The following CADPS variants were observed in gnomAD, a reference collection of about 807,000 sequenced individuals.
The protein encoded by CADPS is calcium dependent secretion activator.
Under a neutral mutation model 167.3 loss-of-function variants are expected in CADPS, and 57 were observed. The ratio of observed to expected loss-of-function variants is 0.34; its 90% CI spans 0.28 to 0.42. The LOEUF is 0.42. Ranked by LOEUF, CADPS falls within the 20% of genes least tolerant of loss-of-function variation. The pLI is 1.00. For synonymous variants in CADPS, 676 were observed against 635.3 expected, an observed-to-expected ratio of 1.06 and a Z score of -0.96; for missense variants, 1,414 against 1,738.1, an observed-to-expected ratio of 0.81 and a Z score of 3.32.
chr3:62,557,645 C>T (rs1310644921), intron 9 of CADPS, 132 bp from the exon 10 acceptor site: 2 of 702,222 alleles, frequency 2.8e-6, no homozygotes, highest in Non-Finnish European at 5.2e-6. Flanking sequence ...TACCTCCTGG[C>T]TGTGTGACGT....
At chr3:62,869,032 A>G (rs555371970) in intron 1 of CADPS, among the ~76,000 whole-genome samples, 1 of 152,202 alleles carries the variant, frequency 6.6e-6, no homozygotes, top group Non-Finnish European at 1.5e-5. Context: ...TGAGAGCAGA[A>G]GTGTTTTGAA....
chr3:62,671,304 A>G (rs2075468691), intron 3 of CADPS, among the ~76,000 whole-genome samples: 1 of 151,962 alleles, frequency 6.6e-6, no homozygotes. Flanking sequence ...GATTATCTTA[A>G]TAATCTTTAT....
chr3:62,559,042 T>C (rs1231235505), intron 9 of CADPS, among the ~76,000 whole-genome samples: 1 of 152,198 alleles, frequency 6.6e-6, no homozygotes, highest in Admixed American at 6.5e-5. Flanking sequence ...TCATCTGTAT[T>C]TACCTGCATC....
At chr3:62,859,840 T>G (rs561494741) in intron 1 of CADPS, among the ~76,000 whole-genome samples, 1 of 152,278 alleles carries the variant, frequency 6.6e-6, no homozygotes, top group South Asian at 2.1e-4. Context: ...AGCCTCAAAG[T>G]GCCTTATAGG....
intron 3 of CADPS, among the ~76,000 whole-genome samples, chr3:62,731,927 G>A (rs1201875679): frequency 6.7e-6 from 1 of 149,902 alleles, no homozygotes; most frequent in Non-Finnish European, 1.5e-5. Flanking sequence ...GATCATGAAG[G>A]CCCCTTAGAG....
chr3:62,768,475 G>C (rs1299150643), intron 1 of CADPS, among the ~76,000 whole-genome samples: 3 of 152,142 alleles, frequency 2.0e-5, no homozygotes, highest in African/African-American at 7.2e-5. Flanking sequence ...GATCAAGATT[G>C]ATTGTTGACC....
At chr3:62,697,637 G>C (rs548672990) in intron 3 of CADPS, among the ~76,000 whole-genome samples, 5 of 151,996 alleles carry the variant, frequency 3.3e-5, no homozygotes, top group Non-Finnish European at 7.4e-5. Context: ...TGGGATTGCT[G>C]GATCAAATGC....
At chr3:62,643,093 T>A (rs2067783859) in intron 6 of CADPS, among the ~76,000 whole-genome samples, 1 of 151,876 alleles carries the variant, frequency 6.6e-6, no homozygotes, top group African/African-American at 2.4e-5. Context: ...GGAAAATAAG[T>A]AAAGGATATA....
intron 6 of CADPS, chr3:62,625,230 C>T (rs190724042): frequency 5.5e-4 from 82 of 149,932 alleles, no homozygotes; most frequent in Admixed American, 1.2e-3. Context: ...TAGTCAATTC[C>T]CACACCAAGA....
chr3:62,522,729 A>G (rs146857362), intron 13 of CADPS, among the ~76,000 whole-genome samples: 137 of 152,310 alleles, frequency 9.0e-4, no homozygotes, highest in African/African-American at 3.2e-3. Flanking sequence ...AAACACATAC[A>G]CACATGAGCA....
chr3:62,442,512 C>A (rs2149858769), intron 27 of CADPS, among the ~76,000 whole-genome samples: 1 of 152,262 alleles, frequency 6.6e-6, no homozygotes, highest in Non-Finnish European at 1.5e-5. Flanking sequence ...AGCTGCTTCG[C>A]CCGGCATAAA....
At chr3:62,646,743 T>G (rs1041260925) in intron 5 of CADPS, among the ~76,000 whole-genome samples, 3 of 152,218 alleles carry the variant, frequency 2.0e-5, no homozygotes, top group African/African-American at 7.2e-5. Context: ...AGTTACCAGA[T>G]ACTCCAATTT....
intron 24 of CADPS, among the ~76,000 whole-genome samples, chr3:62,468,338 A>T (rs760810492): frequency 1.3e-5 from 2 of 152,166 alleles, no homozygotes; most frequent in Admixed American, 6.5e-5. Context: ...TAATTATGGG[A>T]GTAAACTAAA....
chr3:62,679,320 G>A (rs1455578719), intron 3 of CADPS, among the ~76,000 whole-genome samples: 1 of 152,036 alleles, frequency 6.6e-6, no homozygotes, highest in Non-Finnish European at 1.5e-5. Flanking sequence ...AGGTATTATA[G>A]GTGAACTAGG....
chr3:62,600,936 TA>T (rs1392921756), intron 6 of CADPS, among the ~76,000 whole-genome samples: 2 of 152,080 alleles, frequency 1.3e-5, no homozygotes, highest in Non-Finnish European at 2.9e-5. Context: ...CTGGGCAACA[TA>T]GTGATACCCA....
At chr3:62,665,079 T>C (rs1252508105) in intron 3 of CADPS, among the ~76,000 whole-genome samples, 1 of 152,180 alleles carries the variant, frequency 6.6e-6, no homozygotes, top group Non-Finnish European at 1.5e-5. Flanking sequence ...GATTAGCATT[T>C]ATTGATGCCT....
At chr3:62,439,960 C>T (rs1290702465) in intron 27 of CADPS, 1 of 152,180 alleles carries the variant, frequency 6.6e-6, no homozygotes, top group Admixed American at 6.5e-5. Context: ...GTTCATCTTA[C>T]CCATGTAGTT....
At chr3:62,786,047 T>C (rs2152698733) in intron 1 of CADPS, among the ~76,000 whole-genome samples, 1 of 152,072 alleles carries the variant, frequency 6.6e-6, no homozygotes, top group South Asian at 2.1e-4. Context: ...ACCCCGTCTC[T>C]ACTAAAAATA....
At chr3:62,497,697 T>C (rs1358275263) in intron 18 of CADPS, among the ~76,000 whole-genome samples, 1 of 152,210 alleles carries the variant, frequency 6.6e-6, no homozygotes, top group Non-Finnish European at 1.5e-5. Context: ...GGAAAAAAAT[T>C]CTTCAGTACT....
Sources: allele counts gnomAD v4.1 joint callset (sites outside exome capture counted in the v4.1 genomes callset), GRCh38; gene constraint gnomAD v4.1.1; transcripts MANE v1.5; gene names NCBI Gene and HGNC (gene_info 2026-07-23, HGNC 2026-07-21).